The following DOK6 variants were observed in gnomAD, a reference collection of about 807,000 sequenced individuals.
DOK6 encodes downstream of tyrosine kinase 6.
Under a neutral mutation model 44.0 loss-of-function variants are expected in DOK6, and 22 were observed. The ratio of observed to expected loss-of-function variants is 0.50; its 90% CI spans 0.36 to 0.71. DOK6 has a LOEUF of 0.71. DOK6 is among the 30% of genes least tolerant of loss of function. The pLI is 0.00. For synonymous variants in DOK6, 166 were observed against 145.5 expected (o/e 1.14, Z -1.01); for missense variants, 340 against 416.4 (o/e 0.82, Z 1.60).
chr18:69,771,789 T>A (rs566273024), intron 7 of DOK6, among the ~76,000 whole-genome samples: 1 of 151,918 alleles, frequency 6.6e-6, no homozygotes, highest in African/African-American at 2.4e-5. Flanking sequence ...GACAGAGAGA[T>A]GAAGAAAAGA....
At chr18:69,495,305 T>C (rs1980851383) in intron 1 of DOK6, among the ~76,000 whole-genome samples, 1 of 152,252 alleles carries the variant, frequency 6.6e-6, no homozygotes, top group Admixed American at 6.5e-5. Flanking sequence ...AGGGGCATGT[T>C]TCAGCCCTGT....
chr18:69,517,835 T>C (rs1981574592), intron 1 of DOK6, among the ~76,000 whole-genome samples: 1 of 152,070 alleles, frequency 6.6e-6, no homozygotes, highest in South Asian at 2.1e-4. Context: ...ATTTATTATA[T>C]GGAACTGGAC....
At chr18:69,481,011 C>T (rs997567504) in intron 1 of DOK6, among the ~76,000 whole-genome samples, 1 of 152,026 alleles carries the variant, frequency 6.6e-6, no homozygotes. Flanking sequence ...TGCCCTTCTC[C>T]CACATTCTAT....
At chr18:69,655,283 A>G (rs1985331478) in intron 3 of DOK6, among the ~76,000 whole-genome samples, 1 of 152,158 alleles carries the variant, frequency 6.6e-6, no homozygotes, top group Non-Finnish European at 1.5e-5. Context: ...TAAATATAAG[A>G]AAAAATAGAC....
chr18:69,625,060 T>C (rs1984527239), intron 3 of DOK6, among the ~76,000 whole-genome samples: 2 of 152,148 alleles, frequency 1.3e-5, no homozygotes, highest in Non-Finnish European at 2.9e-5. Context: ...GCAACTCTAG[T>C]GAAGATCTGA....
intron 2 of DOK6, among the ~76,000 whole-genome samples, chr18:69,571,024 G>A (rs1217026916): frequency 6.6e-6 from 1 of 151,856 alleles, no homozygotes; most frequent in Non-Finnish European, 1.5e-5. Context: ...TACTAACTTT[G>A]TCATTATATA....
chr18:69,801,427 G>T (rs1980903349), intron 7 of DOK6, among the ~76,000 whole-genome samples: 1 of 152,108 alleles, frequency 6.6e-6, no homozygotes, highest in Non-Finnish European at 1.5e-5. Flanking sequence ...ATAATTTCAA[G>T]GCCACCAAAT....
At chr18:69,565,381 T>C (rs184829815) in intron 2 of DOK6, among the ~76,000 whole-genome samples, 124 of 152,220 alleles carry the variant, frequency 8.1e-4, no homozygotes, top group Admixed American at 3.3e-3. Context: ...TATTTGACAA[T>C]AACTAGTATT....
At chr18:69,613,457 C>G (rs1321116886) in intron 3 of DOK6, among the ~76,000 whole-genome samples, 1 of 151,934 alleles carries the variant, frequency 6.6e-6, no homozygotes, top group Non-Finnish European at 1.5e-5. Flanking sequence ...GTAGAGAAAC[C>G]CAAAGTTTGG....
chr18:69,657,593 G>A (rs987713375), intron 3 of DOK6, among the ~76,000 whole-genome samples: 1 of 152,182 alleles, frequency 6.6e-6, no homozygotes, highest in Non-Finnish European at 1.5e-5. Context: ...AAAGAAAGTT[G>A]ATGTAATGAG....
At position 69,672,926 on chromosome 18, in the gene DOK6, A is replaced by G. The variant is rs199912168; in HGVS notation, c.290-4808A>G. On this transcript the variant is annotated intron_variant, in intron 3 of 7. Transcript: ENST00000382713. ...TTCTTCACTTCACAGCAAAGCATGT[A>G]TTTAAGACGTTAATAAATATGAAAA... 6.6e-5 allele frequency among the ~76,000 whole-genome samples: 10 copies of G among 151,460 alleles called. No homozygotes were observed. The East Asian group carries it at 1.7e-3, about 26-fold the overall frequency.
At chr18:69,837,206 G>C (rs931198294) in intron 7 of DOK6, among the ~76,000 whole-genome samples, 3 of 152,126 alleles carry the variant, frequency 2.0e-5, no homozygotes, top group African/African-American at 7.2e-5. Flanking sequence ...AAATGTATTT[G>C]TTACAGTTCT....
At chr18:69,731,861 CTTT>C (rs1289666709) in intron 5 of DOK6, among the ~76,000 whole-genome samples, 2 of 152,158 alleles carry the variant, frequency 1.3e-5, no homozygotes, top group Admixed American at 1.3e-4. Context: ...TGCTTGTCTT[CTTT>C]TGTTATTAGC....
chr18:69,698,345 G>T, intron 4 of DOK6, 59 bp from the exon 5 acceptor site: 1 of 1,452,484 alleles, frequency 6.9e-7, no homozygotes, highest in South Asian at 1.3e-5. Flanking sequence ...AATATCGTAT[G>T]GCCATAGACA....
chr18:69,626,696 G>A (rs572265877), intron 3 of DOK6, among the ~76,000 whole-genome samples: 1 of 152,260 alleles, frequency 6.6e-6, no homozygotes, highest in East Asian at 1.9e-4. Context: ...ACAGGAGATC[G>A]AGGTGCTCAT....
chr18:69,507,540 A>G (rs1372832080), intron 1 of DOK6, among the ~76,000 whole-genome samples: 1 of 151,968 alleles, frequency 6.6e-6, no homozygotes, highest in Non-Finnish European at 1.5e-5. Context: ...ATATACCTTA[A>G]TTTATTTAAA....
chr18:69,830,733 T>C (rs954962976), intron 7 of DOK6, among the ~76,000 whole-genome samples: 1 of 152,168 alleles, frequency 6.6e-6, no homozygotes, highest in African/African-American at 2.4e-5. Flanking sequence ...TCTTAAGGCA[T>C]TGAGTTGTGA....
chr18:69,468,457 A>T (rs1979991017), intron 1 of DOK6, among the ~76,000 whole-genome samples: 2 of 152,218 alleles, frequency 1.3e-5, no homozygotes, highest in African/African-American at 4.8e-5. Context: ...TCAATGCAAT[A>T]ACACACACTA....
Position 69,841,228 on chromosome 18 carries a change from C to A in DOK6, c.857-16C>A. 4 of 1,614,100 alleles carry A rather than the reference C, an allele frequency of 2.5e-6. No individual in the cohort carries two copies. The highest frequency in any genetic ancestry group is 3.4e-6 in the Non-Finnish European group (4 of 1,179,970). On this transcript the variant is annotated splice_polypyrimidine_tract_variant and intron_variant, in intron 7 of 7. Coordinates refer to ENST00000382713, the MANE Select transcript of DOK6 (RefSeq NM_152721.6). ...GAATCTGTTTCTCAGTAGAGCTCTC[C>A]TTTCTTCCTCTCTAGGTCATGGGTT...
Sources: allele counts gnomAD v4.1 joint callset (sites outside exome capture counted in the v4.1 genomes callset), GRCh38; gene constraint gnomAD v4.1.1; transcripts MANE v1.5; gene names NCBI Gene and HGNC (gene_info 2026-07-23, HGNC 2026-07-21).